The following OTUD7A variants were observed in gnomAD, a reference collection of about 807,000 sequenced individuals.
OTUD7A encodes the protein OTU domain-containing protein 7A.
A neutral mutation model predicts 65.7 loss-of-function variants in OTUD7A; 12 were observed. The observed-to-expected ratio is 0.18, with a 90% CI of 0.12 to 0.30. The LOEUF (loss-of-function observed/expected upper bound fraction) is 0.30. OTUD7A is among the 10% of genes least tolerant of loss of function. The pLI is 1.00. For missense variants in OTUD7A, 1,148 were observed against 1,304.8 expected (o/e 0.88, Z 1.85); for synonymous variants, 641 against 586.3 (o/e 1.09, Z -1.35).
intron 1 of OTUD7A, among the ~76,000 whole-genome samples, chr15:31,792,912 C>T (rs1895856646): frequency 6.6e-6 from 1 of 152,094 alleles, no homozygotes; most frequent in Admixed American, 6.5e-5. Flanking sequence ...CCCTGCCTGG[C>T]ATGCCTGGGG....
intron 3 of OTUD7A, among the ~76,000 whole-genome samples, chr15:31,645,293 G>C (rs28399818): frequency 6.6e-6 from 1 of 152,034 alleles, no homozygotes; most frequent in Non-Finnish European, 1.5e-5. Flanking sequence ...TATCATATTT[G>C]TCTTTTTCTT....
In OTUD7A at chr15:31,623,895, C is replaced by A. The variant is rs187089252; in HGVS notation, c.151+31201G>T. ...GTAGACTGGAGCTGTTCCTATTCGG[C>A]CAACTTGGAACTGCCCCACCGATTT... On this transcript the variant is annotated intron_variant, in intron 3 of 12. Transcript: ENST00000307050. 3.3e-3 allele frequency among the ~76,000 whole-genome samples: 498 copies of A among 152,284 alleles called. 1 individual carries two copies. The highest frequency in any genetic ancestry group is 4.9e-3 in the Non-Finnish European group (331 of 68,026).
intron 1 of OTUD7A, among the ~76,000 whole-genome samples, chr15:31,850,421 G>C (rs977628082): frequency 6.6e-6 from 1 of 151,468 alleles, no homozygotes; most frequent in African/African-American, 2.4e-5. Flanking sequence ...GGGGTGGGGG[G>C]AGTGGGGAGG....
At chr15:31,767,286 T>C in intron 1 of OTUD7A, 1 of 839,974 alleles carries the variant, frequency 1.2e-6, no homozygotes, top group Non-Finnish European at 2.0e-6. Context: ...TACCACGAAA[T>C]GAAACAAAAA....
intron 3 of OTUD7A, among the ~76,000 whole-genome samples, chr15:31,642,494 A>C (rs1891546486): frequency 6.6e-6 from 1 of 152,208 alleles, no homozygotes; most frequent in Admixed American, 6.5e-5. Context: ...GGTAGAATTT[A>C]CCAATGAAGC....
intron 1 of OTUD7A, among the ~76,000 whole-genome samples, chr15:31,785,640 A>C (rs1263103563): frequency 6.6e-6 from 1 of 152,194 alleles, no homozygotes; most frequent in Non-Finnish European, 1.5e-5. Flanking sequence ...CTGGCCCCCA[A>C]GCAACCACTC....
intron 1 of OTUD7A, among the ~76,000 whole-genome samples, chr15:31,803,270 A>G (rs1896182181): frequency 2.0e-5 from 3 of 152,196 alleles, no homozygotes; most frequent in Admixed American, 2.0e-4. Context: ...ACTAGAATAA[A>G]AACATCTTGC....
chr15:31,813,806 A>G (rs1896481327), intron 1 of OTUD7A, among the ~76,000 whole-genome samples: 1 of 152,252 alleles, frequency 6.6e-6, no homozygotes. Context: ...TGTAAATATC[A>G]ATCTCCTAGA....
intron 10 of OTUD7A, among the ~76,000 whole-genome samples, chr15:31,491,039 T>G (rs1050588593): frequency 1.3e-5 from 2 of 151,938 alleles, no homozygotes; most frequent in African/African-American, 4.8e-5. Context: ...TTTCCAGGAA[T>G]AAAAGTGATT....
intron 3 of OTUD7A, among the ~76,000 whole-genome samples, chr15:31,618,850 A>G (rs77631875): frequency 0.29 from 43,505 of 151,904 alleles, 7,330 homozygotes; most frequent in African/African-American, 0.47. Context: ...GTCCTTGCCC[A>G]TGCCTATGTC....
At chr15:31,566,475 G>A (rs1482883546) in intron 4 of OTUD7A, among the ~76,000 whole-genome samples, 3 of 152,180 alleles carry the variant, frequency 2.0e-5, no homozygotes, top group East Asian at 1.9e-4. Context: ...GAACAGCCAC[G>A]TTACAAAGGG....
chr15:31,656,470 A>C (rs904871821), intron 2 of OTUD7A, among the ~76,000 whole-genome samples: 11 of 152,240 alleles, frequency 7.2e-5, no homozygotes, highest in Non-Finnish European at 1.6e-4. Flanking sequence ...TGAGTAGTTA[A>C]AACAGAGACC....
chr15:31,791,361 T>C (rs149405624), intron 1 of OTUD7A, among the ~76,000 whole-genome samples: 1 of 152,296 alleles, frequency 6.6e-6, no homozygotes, highest in African/African-American at 2.4e-5. Flanking sequence ...GCTTGGTTCC[T>C]AGGAAATTTT....
chr15:31,570,488 T>G (rs868362984), intron 3 of OTUD7A, among the ~76,000 whole-genome samples: 1 of 128,556 alleles, frequency 7.8e-6, no homozygotes, highest in Admixed American at 7.4e-5. Context: ...CACACACACA[T>G]CTAAACACTG....
chr15:31,569,716 G>T (rs1012620941), intron 4 of OTUD7A, among the ~76,000 whole-genome samples: 3 of 152,238 alleles, frequency 2.0e-5, no homozygotes, highest in Non-Finnish European at 4.4e-5. Flanking sequence ...GAAAGAACTA[G>T]AGATGTTTGG....
chr15:31,744,632 T>G (rs1894428829), intron 1 of OTUD7A, among the ~76,000 whole-genome samples: 1 of 152,142 alleles, frequency 6.6e-6, no homozygotes, highest in East Asian at 1.9e-4. Flanking sequence ...TATTTTCCCT[T>G]ATGATTAAAA....
chr15:31,627,144 G>T (rs1210923357), intron 3 of OTUD7A, among the ~76,000 whole-genome samples: 1 of 151,070 alleles, frequency 6.6e-6, no homozygotes, highest in Non-Finnish European at 1.5e-5. Context: ...CAATGTGCAG[G>T]TTTGTTACAC....
At chr15:31,638,235 A>G (rs928733459) in intron 3 of OTUD7A, among the ~76,000 whole-genome samples, 19 of 152,186 alleles carry the variant, frequency 1.2e-4, no homozygotes, top group African/African-American at 4.6e-4. Context: ...ACCCTCCACC[A>G]GCAAAAAGAT....
At chr15:31,760,908 AGGTTTTTTTG>A (rs1462377458) in intron 1 of OTUD7A, among the ~76,000 whole-genome samples, 3 of 152,146 alleles carry the variant, frequency 2.0e-5, no homozygotes, top group Non-Finnish European at 2.9e-5. Flanking sequence ...GGGAAAGAAC[AGGTTTTTTTG>A]GGTTTTTTTG....
Sources: gnomAD v4.1 joint callset for allele counts (sites outside exome capture counted in the v4.1 genomes callset) on GRCh38, gnomAD v4.1.1 for gene constraint, MANE v1.5 for transcripts, NCBI Gene and HGNC (gene_info 2026-07-23, HGNC 2026-07-21) for gene names.